PITPNM3: variants seen among roughly 807,000 people sequenced by gnomAD.
PITPNM3 encodes the protein membrane-associated phosphatidylinositol transfer protein 3.
Under a neutral mutation model 102.0 loss-of-function variants are expected in PITPNM3, and 26 were observed. The ratio of observed to expected loss-of-function variants is 0.25; its 90% CI spans 0.19 to 0.35. The LOEUF is 0.35. Ranked by LOEUF, PITPNM3 falls within the 10% of genes least tolerant of loss-of-function variation. PITPNM3 has a pLI of 1.00. For missense variants in PITPNM3, 1,083 were observed against 1,346.1 expected, an observed-to-expected ratio of 0.80 and a Z score of 3.06; for synonymous variants, 578 against 558.6, an observed-to-expected ratio of 1.03 and a Z score of -0.49.
intron 1 of PITPNM3, among the ~76,000 whole-genome samples, chr17:6,538,462 G>A (rs1202187909): frequency 2.0e-5 from 3 of 152,176 alleles, no homozygotes; most frequent in East Asian, 3.9e-4. Flanking sequence ...CTCACATACA[G>A]GTTGGAAGGG....
At chr17:6,538,716 T>C (rs544735469) in intron 1 of PITPNM3, among the ~76,000 whole-genome samples, 17 of 152,312 alleles carry the variant, frequency 1.1e-4, no homozygotes, top group African/African-American at 4.1e-4. Context: ...CCTCAGTTTT[T>C]CCATCTGTAC....
chr17:6,458,417 A>G lies in PITPNM3; in HGVS notation c.2491-695T>C, dbSNP rs919629180. Among the ~76,000 whole-genome samples the G allele has an allele frequency of 1.1e-4, 16 of 152,156 alleles. No homozygotes were observed. Among genetic ancestry groups the G allele is most frequent in the Admixed American group, 2.0e-4 (3 of 15,288 alleles). On this transcript the variant is annotated intron_variant, in intron 18 of 19. Transcript: ENST00000262483. The surrounding 1 kb of genome is among the most constrained non-coding windows in gnomAD (Gnocchi z 5.1). ...TTGGAGACTTTGGTCCTGGGTCACA[A>G]GCTTTCCTTCCTGCCAAGCCCCACC...
chr17:6,536,474 G>A (rs909645664), intron 2 of PITPNM3, among the ~76,000 whole-genome samples: 21 of 152,186 alleles, frequency 1.4e-4, no homozygotes, highest in Non-Finnish European at 2.8e-4. Flanking sequence ...CTAATTAGAC[G>A]CCCATGGGAG....
chr17:6,492,739 C>T (rs567350713), intron 4 of PITPNM3, among the ~76,000 whole-genome samples: 1 of 152,198 alleles, frequency 6.6e-6, no homozygotes, highest in African/African-American at 2.4e-5. Context: ...TGCCTGTAAT[C>T]CCAGCTACTT....
intron 4 of PITPNM3, among the ~76,000 whole-genome samples, chr17:6,502,934 A>G (rs1031229107): frequency 1.3e-5 from 2 of 152,162 alleles, no homozygotes; most frequent in Non-Finnish European, 2.9e-5. Context: ...GGGGGAAGGA[A>G]ACCTGGAGAC....
At chr17:6,487,149 G>A (rs1906144496) in intron 4 of PITPNM3, among the ~76,000 whole-genome samples, 2 of 152,176 alleles carry the variant, frequency 1.3e-5, no homozygotes, top group Admixed American at 6.5e-5. Context: ...GCTGAGGTTG[G>A]CTCTAGGGCT....
intron 15 of PITPNM3, 147 bp from the exon 16 acceptor site, chr17:6,464,465 A>G (rs891298889): frequency 4.6e-5 from 51 of 1,102,532 alleles, no homozygotes; most frequent in Non-Finnish European, 6.7e-5. Context: ...GTCCTTGGAT[A>G]CTCTGAGCCC....
At chr17:6,497,893 C>A (rs1906930806) in intron 4 of PITPNM3, among the ~76,000 whole-genome samples, 1 of 152,220 alleles carries the variant, frequency 6.6e-6, no homozygotes, top group African/African-American at 2.4e-5. Flanking sequence ...CGCACTTTCC[C>A]AGCCTGTGCA....
intron 11 of PITPNM3, 144 bp from the exon 12 acceptor site, chr17:6,471,499 T>TGCCCCTCTCACTGTGCCC (rs2150725576): frequency 2.4e-6 from 2 of 822,812 alleles, no homozygotes; most frequent in East Asian, 5.4e-5. Flanking sequence ...AGCAGGCACC[T>TGCCCCTCTCACTGTGCCC]GCCCCTCTCA....
In PITPNM3 at chr17:6,518,725, AACTT is replaced by A. The variant is rs934129413; in HGVS notation, c.226+6627_226+6630del. On this transcript the variant is annotated intron_variant, in intron 3 of 19. Coordinates refer to ENST00000262483, the MANE Select transcript of PITPNM3 (RefSeq NM_031220.4). ...ATCGAAATAGGTAAGCCTTTGGCAA[AACTT>A]ACTAAGAATGAGAGAGAAAGAGAAA... 2.2e-4 allele frequency among the ~76,000 whole-genome samples: 34 copies of A among 152,246 alleles called. 2 individuals carry two copies.
At chr17:6,489,500 G>GGCCCAGTTCACCA (rs1906305268) in intron 4 of PITPNM3, among the ~76,000 whole-genome samples, 1 of 150,406 alleles carries the variant, frequency 6.6e-6, no homozygotes, top group Non-Finnish European at 1.5e-5. Flanking sequence ...TGCCTAAACC[G>GGCCCAGTTCACCA]GCCCAGGTCA....
Position 6,461,513 on chromosome 17 carries a change from G to A in PITPNM3, c.2350C>T (p.Arg784Trp). ...LGYMILYITG[R>W]PDMQKQRVVS... Reference sequence around the variant, plus strand: ...ACCCGCTGCTTCTGCATGTCCGGCCGTCCCGTGATGTAAAGGATCATGTAG... The same window carrying A: ...ACCCGCTGCTTCTGCATGTCCGGCCATCCCGTGATGTAAAGGATCATGTAG... The change falls in exon 18 of 20, where the codon CGG becomes TGG. Residue 784 changes from arginine to tryptophan, a missense_variant. Arg to Trp is a moderately radical substitution (Grantham distance 101). Around this residue, in one of 5 missense-constraint regions of PITPNM3, gnomAD observed 410 missense variants for 638.4 expected, o/e 0.64. Transcript: ENST00000262483. The A allele has an allele frequency of 6.2e-7, 1 of 1,614,232 alleles. No homozygotes were observed. The highest frequency in any genetic ancestry group is 8.5e-7 in the Non-Finnish European group (1 of 1,180,034).
chr17:6,477,440 G>A (rs1434150665), intron 8 of PITPNM3, among the ~76,000 whole-genome samples: 16 of 152,178 alleles, frequency 1.1e-4, no homozygotes, highest in Admixed American at 1.0e-3. Context: ...ATGCTGGATG[G>A]CTGTCGAAGG....
At chr17:6,511,311 A>G (rs953162258) in intron 3 of PITPNM3, among the ~76,000 whole-genome samples, 2 of 152,226 alleles carry the variant, frequency 1.3e-5, no homozygotes, top group Non-Finnish European at 2.9e-5. Flanking sequence ...TTGGATAAAG[A>G]TGGTAAACTG....
chr17:6,531,504 C>G (rs922250827), intron 2 of PITPNM3, among the ~76,000 whole-genome samples: 3 of 152,222 alleles, frequency 2.0e-5, no homozygotes, highest in African/African-American at 7.2e-5. Context: ...TGTCACCCAG[C>G]AATCTTCATC....
intron 14 of PITPNM3, among the ~76,000 whole-genome samples, chr17:6,466,614 G>A (rs1904784006): frequency 6.6e-6 from 1 of 152,324 alleles, no homozygotes; most frequent in South Asian, 2.1e-4. Context: ...TGAAGATGCG[G>A]AGAAATCAGA....
chr17:6,522,755 G>T (rs906929561), intron 3 of PITPNM3, among the ~76,000 whole-genome samples: 1 of 152,124 alleles, frequency 6.6e-6, no homozygotes, highest in Non-Finnish European at 1.5e-5. Flanking sequence ...TCCAGGAAGA[G>T]TTCACGGATC....
chr17:6,531,668 C>T (rs1394516439), intron 2 of PITPNM3, among the ~76,000 whole-genome samples: 5 of 152,358 alleles, frequency 3.3e-5, no homozygotes, highest in Admixed American at 1.3e-4. Context: ...AAAGCGTGTC[C>T]AGAGGACACC....
At chr17:6,499,056 C>A (rs1384962627) in intron 4 of PITPNM3, among the ~76,000 whole-genome samples, 2 of 152,094 alleles carry the variant, frequency 1.3e-5, no homozygotes, top group Admixed American at 1.3e-4. Flanking sequence ...GCTGAGACTG[C>A]ACAGCAACTC....
Sources: gnomAD v4.1 joint callset for allele counts (sites outside exome capture counted in the v4.1 genomes callset) on GRCh38, gnomAD v4.1.1 for gene constraint, gnomAD v4.1.1 regional missense constraint, Gnocchi (gnomAD v3.1) non-coding constraint, MANE v1.5 for transcripts, NCBI Gene and HGNC (gene_info 2026-07-23, HGNC 2026-07-21) for gene names.